Variants in NXPH1 observed in about 807,000 individuals in gnomAD.
NXPH1 encodes the protein neurexophilin 1.
In NXPH1, 5 loss-of-function variants were observed where a neutral mutation model predicts 23.7. That is an observed-to-expected ratio of 0.21 (90% confidence interval 0.11 to 0.44). The LOEUF is 0.44. Ranked by LOEUF, NXPH1 falls within the 20% of genes least tolerant of loss-of-function variation. The pLI, the probability that NXPH1 is intolerant of heterozygous loss-of-function variation, is 0.99. For synonymous variants in NXPH1, 144 were observed against 122.2 expected (o/e 1.18, Z -1.18); for missense variants, 324 against 321.6 (o/e 1.01, Z -0.06).
Position 8,634,665 on chromosome 7 carries a change from G to GTTT in NXPH1, c.55-116315_55-116313dup, listed in dbSNP as rs144810873. ...TGCATGGTAGAGATTGTCCAGAAGAGTTTTTTTTTTTTTTTTTTTTTTTTT... is the reference window on the plus strand; with the variant it reads ...TGCATGGTAGAGATTGTCCAGAAGAGTTTTTTTTTTTTTTTTTTTTTTTTTTTT... On this transcript the variant is annotated intron_variant, in intron 2 of 2. Transcript: ENST00000405863. Among the ~76,000 whole-genome samples, 181 of 95,662 alleles carry GTTT rather than the reference G, an allele frequency of 1.9e-3. 13 individuals carry two copies. Among genetic ancestry groups the GTTT allele is most frequent in the Non-Finnish European group, 2.7e-3 (127 of 47,372 alleles). 62.8% of individuals were successfully genotyped at this position (95,662 alleles called of 152,430 possible).
rs181934426 is a variant in NXPH1 at position 8,605,203 on chromosome 7, T to C, written c.55-145805T>C. On this transcript the variant is annotated intron_variant, in intron 2 of 2. Transcript: ENST00000405863. ...GAAAGGTGATATAAAAATGCAGTGTTATAGGGTAGCTTCTGTGTAATTTTG... is the reference window on the plus strand; with the variant it reads ...GAAAGGTGATATAAAAATGCAGTGTCATAGGGTAGCTTCTGTGTAATTTTG... Among the ~76,000 whole-genome samples the C allele has an allele frequency of 5.0e-4, 76 of 152,260 alleles. No homozygotes were observed. In the East Asian group the frequency reaches 0.012, roughly 24 times the overall value.
chr7:8,571,845 C>T (rs1206537558), intron 2 of NXPH1, among the ~76,000 whole-genome samples: 1 of 150,906 alleles, frequency 6.6e-6, no homozygotes, highest in Non-Finnish European at 1.5e-5. Context: ...TTAAGGAGTC[C>T]TAGTGATTCC....
chr7:8,705,378 G>C (rs1449635407), intron 2 of NXPH1, among the ~76,000 whole-genome samples: 1 of 152,080 alleles, frequency 6.6e-6, no homozygotes, highest in Non-Finnish European at 1.5e-5. Context: ...AGTTTTTCTG[G>C]CAGGATGGGA....
At chr7:8,543,090 A>G (rs1406734239) in intron 2 of NXPH1, among the ~76,000 whole-genome samples, 3 of 151,532 alleles carry the variant, frequency 2.0e-5, no homozygotes, top group Non-Finnish European at 4.4e-5. Flanking sequence ...TTGGGGGTAG[A>G]TATTTTGAAA....
chr7:8,515,072 C>T (rs1194097507), intron 2 of NXPH1, among the ~76,000 whole-genome samples: 1 of 152,062 alleles, frequency 6.6e-6, no homozygotes, highest in African/African-American at 2.4e-5. Context: ...AGAGTGCACA[C>T]ATGCAAGAGA....
At chr7:8,739,736 C>G (rs563106551) in intron 2 of NXPH1, among the ~76,000 whole-genome samples, 4 of 152,172 alleles carry the variant, frequency 2.6e-5, no homozygotes, top group Non-Finnish European at 5.9e-5. Context: ...CACAAACACA[C>G]TATAAAGCTG....
chr7:8,649,322 C>CTT (rs58989567), intron 2 of NXPH1, among the ~76,000 whole-genome samples: 16 of 151,728 alleles, frequency 1.1e-4, no homozygotes, highest in South Asian at 6.2e-4. Context: ...TATTTCTTTC[C>CTT]TTTTTTTGTA....
At chr7:8,496,179 C>T (rs1193947787) in intron 2 of NXPH1, among the ~76,000 whole-genome samples, 1 of 152,002 alleles carries the variant, frequency 6.6e-6, no homozygotes, top group African/African-American at 2.4e-5. Flanking sequence ...AAGATTATTA[C>T]AATAGTACCA....
chr7:8,603,016 G>A (rs147227741), intron 2 of NXPH1, among the ~76,000 whole-genome samples: 162 of 152,142 alleles, frequency 1.1e-3, no homozygotes, highest in African/African-American at 2.9e-3. Flanking sequence ...TTACCATGTC[G>A]GTCAGGTTGG....
intron 2 of NXPH1, among the ~76,000 whole-genome samples, chr7:8,450,354 A>C (rs971276259): frequency 6.6e-6 from 1 of 152,248 alleles, no homozygotes; most frequent in African/African-American, 2.4e-5. Context: ...TTGCACAATT[A>C]TACAAACTAT....
At chr7:8,539,776 C>G (rs1563339970) in intron 2 of NXPH1, among the ~76,000 whole-genome samples, 1 of 151,614 alleles carries the variant, frequency 6.6e-6, no homozygotes, top group Non-Finnish European at 1.5e-5. Flanking sequence ...TAAATAGATA[C>G]CATAATAATG....
chr7:8,676,624 G>A (rs1399992576), intron 2 of NXPH1, among the ~76,000 whole-genome samples: 1 of 152,122 alleles, frequency 6.6e-6, no homozygotes, highest in African/African-American at 2.4e-5. Flanking sequence ...TGGTGACTTA[G>A]GATTCCAAGA....
At chr7:8,584,743 G>A (rs1226703236) in intron 2 of NXPH1, among the ~76,000 whole-genome samples, 2 of 152,178 alleles carry the variant, frequency 1.3e-5, no homozygotes, top group African/African-American at 4.8e-5. Flanking sequence ...GTTTGAAGTT[G>A]TTTGTGTTCA....
At chr7:8,744,233 T>C (rs1257146126) in intron 2 of NXPH1, among the ~76,000 whole-genome samples, 1 of 152,194 alleles carries the variant, frequency 6.6e-6, no homozygotes, top group Non-Finnish European at 1.5e-5. Flanking sequence ...TCTGAAACAA[T>C]GAGACACATC....
chr7:8,457,078 T>C (rs775729396), intron 2 of NXPH1, among the ~76,000 whole-genome samples: 1 of 152,186 alleles, frequency 6.6e-6, no homozygotes, highest in Non-Finnish European at 1.5e-5. Flanking sequence ...TTTAAAAACA[T>C]TGTGTAGGAA....
intron 2 of NXPH1, among the ~76,000 whole-genome samples, chr7:8,466,578 C>G (rs1816789348): frequency 6.6e-6 from 1 of 152,112 alleles, no homozygotes; most frequent in South Asian, 2.1e-4. Context: ...TAGATAAAGA[C>G]TCGAAGGGAC....
intron 2 of NXPH1, among the ~76,000 whole-genome samples, chr7:8,722,742 C>T (rs1325476967): frequency 6.6e-6 from 1 of 152,118 alleles, no homozygotes; most frequent in Non-Finnish European, 1.5e-5. Context: ...CCTTGGAATG[C>T]AAGAGGAGTG....
chr7:8,675,350 G>A (rs1488407072), intron 2 of NXPH1, among the ~76,000 whole-genome samples: 1 of 150,480 alleles, frequency 6.6e-6, no homozygotes, highest in Non-Finnish European at 1.5e-5. Flanking sequence ...CTAATTTTTA[G>A]GCATAAGCCA....
At chr7:8,445,735 G>T (rs575218984) in intron 2 of NXPH1, among the ~76,000 whole-genome samples, 3 of 152,302 alleles carry the variant, frequency 2.0e-5, no homozygotes, top group African/African-American at 7.2e-5. Context: ...CTCTTTAGAG[G>T]ATTCCATGGA....
Sources: allele counts gnomAD v4.1 joint callset (sites outside exome capture counted in the v4.1 genomes callset), GRCh38; gene constraint gnomAD v4.1.1; transcripts MANE v1.5; gene names NCBI Gene and HGNC (gene_info 2026-07-23, HGNC 2026-07-21).